Variants in CMTM8 observed in about 807,000 individuals in gnomAD.
CMTM8 encodes the protein CKLF like MARVEL transmembrane domain containing 8, also known as CKLF-like MARVEL transmembrane domain-containing protein 8.
Under a neutral mutation model 18.6 loss-of-function variants are expected in CMTM8, and 12 were observed. That is an observed-to-expected ratio of 0.65 (90% CI 0.41 to 1.05). The LOEUF is 1.05. Ranked by LOEUF, CMTM8 falls within the 50% of genes least tolerant of loss-of-function variation. The probability of loss-of-function intolerance (pLI) is 0.00; values close to 1 mark genes in which losing one functional copy is unlikely to be tolerated. For missense variants in CMTM8, 217 were observed against 227.2 expected (o/e 0.95, Z 0.29); for synonymous variants, 87 against 90.6 (o/e 0.96, Z 0.23).
intron 1 of CMTM8, among the ~76,000 whole-genome samples, chr3:32,266,797 T>A (rs1383124831): frequency 3.3e-5 from 5 of 152,162 alleles, no homozygotes; most frequent in Non-Finnish European, 1.5e-5. Context: ...ACAGGCATTC[T>A]TATACACCAA....
Position 32,297,390 on chromosome 3 carries a change from G to A in CMTM8, c.147+58271G>A, listed in dbSNP as rs553361427. ...AGGTGGGGTTTCACCATGTTAGCCA[G>A]GTTGGTCTCCAACTCCTGACCTCAG... On this transcript the variant is annotated intron_variant, in intron 1 of 3. Coordinates refer to ENST00000307526, the MANE Select transcript of CMTM8 (RefSeq NM_178868.5). Among the ~76,000 whole-genome samples, 5 of 152,312 alleles carry A rather than the reference G, an allele frequency of 3.3e-5. No individual in the cohort carries two copies. The South Asian group carries it at 1.0e-3, about 32-fold the overall frequency.
intron 1 of CMTM8, among the ~76,000 whole-genome samples, chr3:32,295,471 AAAAAAAACAAAACAAAACAGCGGAAAGAG>A (rs1379027085): frequency 1.4e-5 from 2 of 140,836 alleles, no homozygotes; most frequent in Non-Finnish European, 3.0e-5. Context: ...AAAAAAAAAA[AAAAAAAACAAAACAAAACAGCGGAAAGAG>A]AAAATCCCTG....
chr3:32,334,400 A>G (rs558585814), intron 1 of CMTM8, among the ~76,000 whole-genome samples: 1 of 152,044 alleles, frequency 6.6e-6, no homozygotes, highest in Admixed American at 6.5e-5. Flanking sequence ...AGGTCAGGAG[A>G]TCAAGACCAT....
At chr3:32,296,069 T>G (rs549831004) in intron 1 of CMTM8, among the ~76,000 whole-genome samples, 1 of 152,308 alleles carries the variant, frequency 6.6e-6, no homozygotes, top group South Asian at 2.1e-4. Flanking sequence ...CACCTCTCAG[T>G]CTGTGTTGTG....
intron 1 of CMTM8, among the ~76,000 whole-genome samples, chr3:32,340,499 C>A (rs1361244252): frequency 6.6e-6 from 1 of 152,180 alleles, no homozygotes; most frequent in Non-Finnish European, 1.5e-5. Flanking sequence ...TATTTAATAA[C>A]CTGATTTGGA....
intron 1 of CMTM8, among the ~76,000 whole-genome samples, chr3:32,325,824 T>A (rs1026159876): frequency 2.6e-5 from 4 of 152,234 alleles, no homozygotes; most frequent in Non-Finnish European, 5.9e-5. Flanking sequence ...ACTGCAGTTT[T>A]CCTTCTCATC....
intron 1 of CMTM8, among the ~76,000 whole-genome samples, chr3:32,277,731 A>G (rs1481684756): frequency 6.6e-6 from 1 of 152,216 alleles, no homozygotes; most frequent in Non-Finnish European, 1.5e-5. Context: ...TACAGTGTTG[A>G]AAATCAGAAT....
At chr3:32,286,917 G>A (rs191076528) in intron 1 of CMTM8, among the ~76,000 whole-genome samples, 6 of 152,336 alleles carry the variant, frequency 3.9e-5, no homozygotes, top group East Asian at 1.9e-4. Flanking sequence ...CTTGTCTGCC[G>A]GAAAGGGCAG....
chr3:32,324,221 A>C (rs1372348226), intron 1 of CMTM8, among the ~76,000 whole-genome samples: 1 of 152,186 alleles, frequency 6.6e-6, no homozygotes, highest in Non-Finnish European at 1.5e-5. Flanking sequence ...TTTATTTAAG[A>C]ACAACAAAGT....
chr3:32,343,733 C>A (rs1387312323), intron 1 of CMTM8, among the ~76,000 whole-genome samples: 1 of 151,660 alleles, frequency 6.6e-6, no homozygotes, highest in African/African-American at 2.4e-5. Context: ...TCTCACCAAT[C>A]TTGTCACCCA....
At chr3:32,356,770 G>A (rs1696822079) in intron 1 of CMTM8, among the ~76,000 whole-genome samples, 1 of 152,188 alleles carries the variant, frequency 6.6e-6, no homozygotes, top group East Asian at 1.9e-4. Context: ...CAGCCTGGGA[G>A]CAAATTCCAG....
At chr3:32,263,190 G>A (rs928120025) in intron 1 of CMTM8, among the ~76,000 whole-genome samples, 2 of 152,156 alleles carry the variant, frequency 1.3e-5, no homozygotes, top group Admixed American at 6.6e-5. Context: ...AGCCTAACTG[G>A]GAGGCACCCC....
At chr3:32,274,721 G>A (rs1452375537) in intron 1 of CMTM8, among the ~76,000 whole-genome samples, 1 of 152,176 alleles carries the variant, frequency 6.6e-6, no homozygotes, top group African/African-American at 2.4e-5. Context: ...CCAAGATAGA[G>A]CACAAGATCA....
intron 1 of CMTM8, among the ~76,000 whole-genome samples, chr3:32,265,014 A>C (rs1702314065): frequency 6.6e-6 from 1 of 152,204 alleles, no homozygotes; most frequent in Non-Finnish European, 1.5e-5. Flanking sequence ...GGAGACTTTA[A>C]CACCCCAATG....
intron 1 of CMTM8, among the ~76,000 whole-genome samples, chr3:32,330,567 T>C (rs1216097217): frequency 6.6e-6 from 1 of 152,178 alleles, no homozygotes; most frequent in Non-Finnish European, 1.5e-5. Context: ...AAGATAGACA[T>C]ATAGACCAAT....
intron 1 of CMTM8, among the ~76,000 whole-genome samples, chr3:32,297,760 G>A (rs1368925204): frequency 6.7e-6 from 1 of 148,904 alleles, no homozygotes; most frequent in Non-Finnish European, 1.5e-5. Context: ...GGAAGTTAAG[G>A]AAAGACAAGT....
At chr3:32,296,814 C>G (rs1235727863) in intron 1 of CMTM8, among the ~76,000 whole-genome samples, 2 of 152,158 alleles carry the variant, frequency 1.3e-5, no homozygotes, top group Non-Finnish European at 2.9e-5. Flanking sequence ...AAGAGCAGTG[C>G]CTAATTAAAA....
chr3:32,285,900 G>T (rs1359945750), intron 1 of CMTM8, among the ~76,000 whole-genome samples: 1 of 152,192 alleles, frequency 6.6e-6, no homozygotes, highest in African/African-American at 2.4e-5. Context: ...ACAGTGTGTG[G>T]CACCTGTGTT....
At chr3:32,270,854 A>G (rs1702429681) in intron 1 of CMTM8, among the ~76,000 whole-genome samples, 1 of 152,114 alleles carries the variant, frequency 6.6e-6, no homozygotes, top group African/African-American at 2.4e-5. Context: ...ATGTACCCTC[A>G]AACTTAAAGT....
Sources: allele counts gnomAD v4.1 joint callset (sites outside exome capture counted in the v4.1 genomes callset), GRCh38; gene constraint gnomAD v4.1.1; transcripts MANE v1.5; gene names NCBI Gene and HGNC (gene_info 2026-07-23, HGNC 2026-07-21).